The following EIF4E3 variants were observed in gnomAD, a reference collection of about 807,000 sequenced individuals.
EIF4E3 encodes the protein eukaryotic translation initiation factor 4E type 3.
In EIF4E3, 26 loss-of-function variants were observed where a neutral mutation model predicts 31.7. The ratio of observed to expected loss-of-function variants is 0.82; its 90% CI spans 0.60 to 1.14. EIF4E3 has a LOEUF of 1.14. EIF4E3 is among the 50% of genes most tolerant of loss of function. The probability of loss-of-function intolerance (pLI) is 0.00; values close to 1 mark genes in which losing one functional copy is unlikely to be tolerated. For missense variants in EIF4E3, 304 were observed against 270.9 expected, an observed-to-expected ratio of 1.12 and a Z score of -0.86; for synonymous variants, 128 against 107.7, an observed-to-expected ratio of 1.19 and a Z score of -1.17.
At chr3:71,701,868 T>G (rs971953166) in intron 2 of EIF4E3, among the ~76,000 whole-genome samples, 1 of 152,208 alleles carries the variant, frequency 6.6e-6, no homozygotes. Context: ...ATGGTGCTAG[T>G]GTAGTGAGGA....
In EIF4E3 at chr3:71,678,337, C is replaced by T. The variant is rs573362486; in HGVS notation, c.*6345G>A. 3.9e-5 allele frequency: 6 copies of T among 152,110 alleles called. No individual in the cohort carries two copies. The highest frequency in any genetic ancestry group is 8.8e-5 in the Non-Finnish European group (6 of 67,992). 9.4% of individuals were successfully genotyped at this position (152,110 alleles called of 1,614,324 possible). The stretch of plus-strand genomic sequence containing the variant: ...TTCTACAAACTAACACTTAAACAAA[C>T]CCTGTGAACTACTACCCTGAAAAAT... On this transcript the variant is annotated 3_prime_UTR_variant, in exon 7 of 7. Transcript: ENST00000425534.
chr3:71,752,627 T>A (rs943796911), intron 1 of EIF4E3, among the ~76,000 whole-genome samples: 1 of 152,232 alleles, frequency 6.6e-6, no homozygotes, highest in Admixed American at 6.5e-5. Context: ...GCACTGGGGA[T>A]GCAGTGGTAC....
chr3:71,753,054 G>A (rs1028032319), intron 1 of EIF4E3, among the ~76,000 whole-genome samples: 2 of 152,292 alleles, frequency 1.3e-5, no homozygotes, highest in East Asian at 3.9e-4. Context: ...GCGAGCAGGG[G>A]ATGCTGCGGA....
Position 71,740,670 on chromosome 3 carries a change from T to C in EIF4E3, c.-290-12047A>G, listed in dbSNP as rs559726821. Reference sequence around the variant, plus strand: ...GACACCTGAACCCAGGAGGCAGAGGTTACAATGAGCTGAGATCGTGCCACT... The same window carrying C: ...GACACCTGAACCCAGGAGGCAGAGGCTACAATGAGCTGAGATCGTGCCACT... On this transcript the variant is annotated intron_variant, in intron 1 of 7. Transcript: ENST00000295612. 1.2e-3 allele frequency among the ~76,000 whole-genome samples: 177 copies of C among 151,324 alleles called. 3 individuals carry two copies. Among genetic ancestry groups the C allele is most frequent in the Admixed American group, 2.4e-3 (36 of 15,218 alleles).
At chr3:71,689,597 G>A (rs1186362441) in intron 6 of EIF4E3, among the ~76,000 whole-genome samples, 1 of 152,086 alleles carries the variant, frequency 6.6e-6, no homozygotes, top group African/African-American at 2.4e-5. Context: ...CATTTCTTCT[G>A]CAAATACAGA....
intron 4 of EIF4E3, among the ~76,000 whole-genome samples, chr3:71,694,740 C>T (rs1447101665): frequency 1.3e-5 from 2 of 152,160 alleles, no homozygotes; most frequent in Non-Finnish European, 2.9e-5. Flanking sequence ...TATCTGCAAA[C>T]CAGATGGGTT....
At chr3:71,714,723 T>A (rs528535643) in intron 1 of EIF4E3, among the ~76,000 whole-genome samples, 18 of 152,322 alleles carry the variant, frequency 1.2e-4, no homozygotes, top group African/African-American at 4.3e-4. Flanking sequence ...TGTAAACAGG[T>A]CAGTCTGTAC....
chr3:71,670,140 G>C, the EIF4E3 span, among the ~76,000 whole-genome samples: 5 of 152,174 alleles, frequency 3.3e-5, no homozygotes, highest in African/African-American at 1.2e-4. Context: ...ACTGTCGAAC[G>C]TCAGGGGGCT....
upstream of EIF4E3, chr3:71,754,234 T>C: frequency 7.5e-7 from 1 of 1,326,422 alleles, no homozygotes; most frequent in Non-Finnish European, 9.8e-7. This position sits in a 1 kb window ranked among gnomAD's most constrained non-coding sequence, Gnocchi z 5.8. Flanking sequence ...GACCTGTGCC[T>C]GGCCGACGGG....
chr3:71,723,183 T>C (rs1311561845), intron 1 of EIF4E3, among the ~76,000 whole-genome samples: 1 of 152,190 alleles, frequency 6.6e-6, no homozygotes, highest in Non-Finnish European at 1.5e-5. Context: ...CTCTAGAATG[T>C]TGTTTACCTG....
the EIF4E3 span, among the ~76,000 whole-genome samples, chr3:71,660,540 C>T: frequency 6.6e-6 from 1 of 152,128 alleles, no homozygotes; most frequent in Non-Finnish European, 1.5e-5. Context: ...CAGATGTTAG[C>T]AGCCGAGGGA....
At chr3:71,671,146 C>T (rs562231839), downstream of EIF4E3, among the ~76,000 whole-genome samples, 1 of 152,210 alleles carries the variant, frequency 6.6e-6, no homozygotes, top group Non-Finnish European at 1.5e-5. Context: ...AATGGCCATA[C>T]ACACTATGCG....
intron 2 of EIF4E3, among the ~76,000 whole-genome samples, chr3:71,705,305 T>C (rs910125386): frequency 1.3e-5 from 2 of 152,228 alleles, no homozygotes; most frequent in African/African-American, 4.8e-5. Flanking sequence ...AGCAATCTGC[T>C]GCCCTAACTT....
intron 1 of EIF4E3, among the ~76,000 whole-genome samples, chr3:71,715,387 T>C (rs925456584): frequency 2.0e-5 from 3 of 152,150 alleles, no homozygotes; most frequent in Non-Finnish European, 2.9e-5. Flanking sequence ...CCTTTTCCCA[T>C]AGAGTTTATG....
At chr3:71,744,592 A>C (rs190206937) in intron 1 of EIF4E3, among the ~76,000 whole-genome samples, 11 of 152,292 alleles carry the variant, frequency 7.2e-5, no homozygotes, top group Admixed American at 2.6e-4. Flanking sequence ...GAAAAGTACA[A>C]AAATTAGCTG....
At chr3:71,726,761 AAACTT>A (rs1180524515), upstream of EIF4E3, among the ~76,000 whole-genome samples, 2 of 152,264 alleles carry the variant, frequency 1.3e-5, no homozygotes, top group African/African-American at 2.4e-5. Flanking sequence ...CCGCTGCTTT[AAACTT>A]AACTTCTATA....
In EIF4E3 at chr3:71,708,497, G is replaced by C. The variant is rs115935727; in HGVS notation, c.249+1915C>G. On this transcript the variant is annotated intron_variant, in intron 2 of 6. Coordinates refer to ENST00000425534, the MANE Select transcript of EIF4E3 (RefSeq NM_001134651.2). ...TTTTAAAGGAAGTATTTCCTAGTAT[G>C]TGCCTGCCTGGGTGCTTTAAATTGC... is the stretch of plus-strand genomic sequence containing the variant. Among the ~76,000 whole-genome samples the C allele has an allele frequency of 2.6e-3, 392 of 152,186 alleles. 1 individual carries two copies. The highest frequency in any genetic ancestry group is 4.2e-3 in the Non-Finnish European group (284 of 68,010).
chr3:71,699,391 A>T (rs565432458), intron 3 of EIF4E3, among the ~76,000 whole-genome samples: 2 of 152,338 alleles, frequency 1.3e-5, no homozygotes, highest in Admixed American at 1.3e-4. Flanking sequence ...TTTATTACTA[A>T]CTGGGACTCC....
the EIF4E3 span, among the ~76,000 whole-genome samples, chr3:71,663,542 G>A: frequency 6.6e-6 from 1 of 152,146 alleles, no homozygotes; most frequent in Non-Finnish European, 1.5e-5. Flanking sequence ...TTTTTCCAGG[G>A]GTGAAGATGG....
Sources: gnomAD v4.1 joint callset for allele counts (sites outside exome capture counted in the v4.1 genomes callset) on GRCh38, gnomAD v4.1.1 for gene constraint, Gnocchi (gnomAD v3.1) non-coding constraint, MANE v1.5 for transcripts, NCBI Gene and HGNC (gene_info 2026-07-23, HGNC 2026-07-21) for gene names.